Variants in DOCK7 observed in about 807,000 individuals in gnomAD.
DOCK7 encodes the protein dedicator of cytokinesis 7.
Under a neutral mutation model 271.0 loss-of-function variants are expected in DOCK7, and 138 were observed. That is an observed-to-expected ratio of 0.51 (90% confidence interval 0.44 to 0.59). DOCK7 has a LOEUF of 0.59. DOCK7 is among the 20% of genes least tolerant of loss of function. The probability of loss-of-function intolerance (pLI) is 0.00; values close to 1 mark genes in which losing one functional copy is unlikely to be tolerated. For missense variants in DOCK7, 2,066 were observed against 2,592.4 expected, an observed-to-expected ratio of 0.80 and a Z score of 4.41; for synonymous variants, 823 against 876.1, an observed-to-expected ratio of 0.94 and a Z score of 1.07.
intron 2 of DOCK7, among the ~76,000 whole-genome samples, chr1:62,659,810 G>T (rs889751682): frequency 6.6e-6 from 1 of 151,764 alleles, no homozygotes; most frequent in Non-Finnish European, 1.5e-5. Flanking sequence ...AAATAGAGAG[G>T]GACATTACCT....
In DOCK7 at chr1:62,526,396, T is replaced by C. The variant is rs1645008102; in HGVS notation, c.3936+1755A>G. Reference sequence around the variant, plus strand: ...CAATTTACAATCACTAAAGGTGTCCTAATCAAAAAGACAGATAATAACAAG... The same window carrying C: ...CAATTTACAATCACTAAAGGTGTCCCAATCAAAAAGACAGATAATAACAAG... On this transcript the variant is annotated intron_variant, in intron 31 of 49. Transcript: ENST00000635253. 2.0e-5 allele frequency among the ~76,000 whole-genome samples: 3 copies of C among 152,052 alleles called. No homozygotes were observed. The South Asian group carries it at 6.2e-4, about 31-fold the overall frequency.
chr1:62,662,489 GC>G (rs1369997968), intron 2 of DOCK7, among the ~76,000 whole-genome samples: 3 of 152,062 alleles, frequency 2.0e-5, no homozygotes, highest in African/African-American at 7.2e-5. Context: ...AGGGCCGGAC[GC>G]GGTGGCTCAC....
chr1:62,591,600 T>C (rs1015495628), intron 14 of DOCK7, among the ~76,000 whole-genome samples: 11 of 151,874 alleles, frequency 7.2e-5, no homozygotes, highest in South Asian at 2.1e-4. Context: ...CCAAATGAAA[T>C]AGACAAGCAA....
At chr1:62,601,279 A>G in intron 14 of DOCK7, 2 of 968,516 alleles carry the variant, frequency 2.1e-6, no homozygotes, top group Non-Finnish European at 3.3e-6. Flanking sequence ...ACTAAAAGAT[A>G]GTTAAGAGAT....
chr1:62,631,147 T>C lies in DOCK7; in HGVS notation c.1282+93A>G, dbSNP rs888651174. ...TTGCAGTGAGCCAAGATCGTGCCAC[T>C]GCCCTCCAGCCTAGGCCATAGAGCG... On this transcript the variant is annotated intron_variant, in intron 11 of 49. Coordinates refer to ENST00000635253, the MANE Select transcript of DOCK7 (RefSeq NM_001367561.1). 5 of 1,165,818 alleles carry C rather than the reference T, an allele frequency of 4.3e-6. No homozygotes were observed. In the Admixed American group the frequency reaches 1.4e-4, roughly 32 times the overall value. 72.2% of individuals were successfully genotyped at this position (1,165,818 alleles called of 1,614,324 possible).
intron 37 of DOCK7, among the ~76,000 whole-genome samples, chr1:62,497,117 T>C (rs1021906422): frequency 2.0e-5 from 3 of 152,192 alleles, no homozygotes; most frequent in Non-Finnish European, 2.9e-5. Context: ...TTTACATCTT[T>C]GTATATTTAA....
At chr1:62,659,738 A>G (rs1216881138) in intron 2 of DOCK7, among the ~76,000 whole-genome samples, 1 of 152,192 alleles carries the variant, frequency 6.6e-6, no homozygotes, top group Admixed American at 6.5e-5. Flanking sequence ...ATTATTCAAA[A>G]GAAAGCTGGA....
chr1:62,475,856 G>C lies in DOCK7; in HGVS notation c.5812C>G (p.Leu1938Val). The C allele has an allele frequency of 2.5e-6, 4 of 1,614,050 alleles. No homozygotes were observed. Among genetic ancestry groups the C allele is most frequent in the South Asian group, 2.2e-5 (2 of 91,078 alleles). ...RITYFDKNYN[L>V]RRFMYCTPFT... is the part of the protein sequence containing the mutation. ...GGTGTACAGTACATGAATCGACGAA[G>C]ATTGTAATTTTTGTCGAAATAGGTG... Residue 1938 changes from leucine (L) to valine (V), a missense_variant, in exon 46 of 50, where the codon CTT becomes GTT. Coordinates refer to ENST00000635253, the MANE Select transcript of DOCK7 (RefSeq NM_001367561.1).
rs143302159 is a variant in DOCK7 at position 62,631,366 on chromosome 1, G to T, written c.1156C>A (p.Gln386Lys). 6.2e-7 allele frequency: 1 copy of T among 1,611,968 alleles called. No individual in the cohort carries two copies. The highest frequency in any genetic ancestry group is 8.5e-7 in the Non-Finnish European group (1 of 1,179,434). The part of the protein sequence containing the change: ...KLEKLKSQAD[Q>K]FCQRLGKYRM... ...TATTTCCCAAGTCTTTGGCAAAACT[G>T]ATCTGCTTGACTCTTCAGTTTCTCC... The change falls in exon 11 of 50, where the codon CAG (glutamine) becomes AAG (lysine). Residue 386 changes from glutamine (Q) to lysine (K), a missense_variant. Gln to Lys is a moderately conservative substitution (Grantham distance 53). Transcript: ENST00000635253.
At chr1:62,490,262 C>T (rs1014388245) in intron 41 of DOCK7, among the ~76,000 whole-genome samples, 1 of 151,612 alleles carries the variant, frequency 6.6e-6, no homozygotes, top group Non-Finnish European at 1.5e-5. Context: ...GTAGAGATGA[C>T]GCTCTTGTTA....
rs538866116 is a variant in DOCK7 at position 62,601,667 on chromosome 1, C to T, written c.1683-15043G>A. 8.7e-6 allele frequency: 7 copies of T among 800,006 alleles called. 1 individual carries two copies. In the East Asian group the frequency reaches 1.3e-4, roughly 15 times the overall value. 49.6% of individuals were successfully genotyped at this position (800,006 alleles called of 1,614,324 possible). A position where few individuals can be genotyped will look rare whatever the true frequency, so the allele number is the denominator to read the frequency against. On this transcript the variant is annotated intron_variant, in intron 14 of 49. Coordinates refer to ENST00000635253, the MANE Select transcript of DOCK7 (RefSeq NM_001367561.1). ...TAACATAAACATTACTGAAAAAATG[C>T]TACATTTGCCACAACTTCATAAAAT... is the stretch of plus-strand genomic sequence containing the variant.
Position 62,654,026 on chromosome 1 carries a change from G to A in DOCK7, c.278C>T (p.Pro93Leu). Reference sequence around the variant, plus strand: ...TGAAACAAGAGTTCTGCAGTCCCGAGGACTATAAACAACTTCAATATCATC... The same window carrying A: ...TGAAACAAGAGTTCTGCAGTCCCGAAGACTATAAACAACTTCAATATCATC... ...PPDDIEVVYS[P>L]RDCRTLVSAV... The change falls in exon 3 of 50, where the codon CCT becomes CTT. Residue 93 changes from proline to leucine, a missense_variant. Around this residue, in one of 2 missense-constraint regions of DOCK7, gnomAD observed 1,414 missense variants for 1,670.4 expected, o/e 0.85. Transcript: ENST00000635253. 1 of 1,613,742 alleles carries A rather than the reference G, an allele frequency of 6.2e-7. No homozygotes were observed. Among genetic ancestry groups the A allele is most frequent in the Non-Finnish European group, 8.5e-7 (1 of 1,179,844 alleles).
At chr1:62,495,851 T>C in intron 38 of DOCK7, 170 bp from the exon 39 acceptor site, 1 of 501,510 alleles carries the variant, frequency 2.0e-6, no homozygotes, top group East Asian at 3.6e-5. Flanking sequence ...AAGTGAAGGG[T>C]AGTAAACTTT....
At chr1:62,604,727 A>G (rs1168661379) in intron 14 of DOCK7, 1 of 1,613,286 alleles carries the variant, frequency 6.2e-7, no homozygotes, top group Admixed American at 1.7e-5. Context: ...GGAGAAGAGG[A>G]TTATCTTGGA....
chr1:62,485,403 T>C (rs1646263828), intron 43 of DOCK7: 1 of 985,012 alleles, frequency 1.0e-6, no homozygotes, highest in South Asian at 4.7e-5. Flanking sequence ...TTGCACTAAA[T>C]CAAGGAGCAC....
intron 18 of DOCK7, among the ~76,000 whole-genome samples, chr1:62,565,554 C>T (rs1019619216): frequency 5.9e-5 from 9 of 152,096 alleles, no homozygotes; most frequent in African/African-American, 2.2e-4. Flanking sequence ...ATTGATGGAA[C>T]ATATCTCAAA....
intron 37 of DOCK7, among the ~76,000 whole-genome samples, chr1:62,496,881 G>C (rs1355506894): frequency 1.3e-5 from 2 of 152,106 alleles, no homozygotes; most frequent in African/African-American, 4.8e-5. Flanking sequence ...TCCATTTCAT[G>C]ACATCCATAC....
At chr1:62,474,320 A>C (rs995521768) in intron 47 of DOCK7, among the ~76,000 whole-genome samples, 3 of 152,248 alleles carry the variant, frequency 2.0e-5, no homozygotes, top group African/African-American at 7.2e-5. Context: ...AAGAAACAGA[A>C]TAGGAACTCA....
intron 31 of DOCK7, among the ~76,000 whole-genome samples, chr1:62,519,224 A>C (rs1281679797): frequency 6.6e-6 from 1 of 152,204 alleles, no homozygotes; most frequent in Non-Finnish European, 1.5e-5. Context: ...TATTAGAATA[A>C]GCATGCAAAA....
Sources: gnomAD v4.1 joint callset for allele counts (sites outside exome capture counted in the v4.1 genomes callset) on GRCh38, gnomAD v4.1.1 for gene constraint, gnomAD v4.1.1 regional missense constraint, MANE v1.5 for transcripts, NCBI Gene and HGNC (gene_info 2026-07-23, HGNC 2026-07-21) for gene names.